The following FBXO15 variants were observed in gnomAD, a reference collection of about 807,000 sequenced individuals.
FBXO15 encodes the protein F-box protein 15.
Under a neutral mutation model 49.5 loss-of-function variants are expected in FBXO15, and 30 were observed. The observed-to-expected ratio is 0.61, with a 90% CI of 0.45 to 0.82. FBXO15 has a LOEUF of 0.82. Among genes scored for constraint, FBXO15 ranks in the 40% least tolerant of loss-of-function variants. The pLI, the probability that FBXO15 is intolerant of heterozygous loss-of-function variation, is 0.00. For synonymous variants in FBXO15, 250 were observed against 232.7 expected (o/e 1.07, Z -0.68); for missense variants, 591 against 631.5 (o/e 0.94, Z 0.69).
rs1375509501 is a variant in FBXO15, at chr18:74,130,602, T to A, written c.389A>T (p.Lys130Ile). The A allele has an allele frequency of 6.2e-7, 1 of 1,614,104 alleles. No homozygotes were observed. Among genetic ancestry groups the A allele is most frequent in the Non-Finnish European group, 8.5e-7 (1 of 1,179,978 alleles). ...TAFSPARSNW[K>I]FNSVEKIAMS... ...AGCTATCTTCTCTACTGAATTAAATTTCCAATTTGATCTTGCAGGTGAAAA... is the reference window on the plus strand; with the variant it reads ...AGCTATCTTCTCTACTGAATTAAATATCCAATTTGATCTTGCAGGTGAAAA... Residue 130 changes from lysine to isoleucine, a missense_variant, in exon 4 of 10, where the codon AAA becomes ATA. Physicochemically the swap from Lys to Ile is moderately radical, Grantham distance 102 (BLOSUM62 -3). Transcript: ENST00000419743.
chr18:74,094,039 T>G (rs1458077389), intron 8 of FBXO15, among the ~76,000 whole-genome samples: 2 of 152,232 alleles, frequency 1.3e-5, no homozygotes, highest in Admixed American at 1.3e-4. Flanking sequence ...ACAGAATGGA[T>G]GTTGCGTTAG....
At position 74,073,729 on chromosome 18, in the gene FBXO15, C is replaced by A. The variant is rs376147087; in HGVS notation, c.1265G>T (p.Ser422Ile). 35 of 1,608,160 alleles carry A rather than the reference C, an allele frequency of 2.2e-5. No individual in the cohort carries two copies. Among genetic ancestry groups the A allele is most frequent in the Admixed American group, 1.0e-4 (6 of 59,070 alleles). ...KTDIFDGCIK[S>I]CSMMDVTLLD... ...AAGAGTTACGTCCATCATGGAACAA[C>A]TCTGCAAAATAAACACAGATTGACA... The change falls in exon 10 of 10, where the codon AGT becomes ATT. Residue 422 changes from serine (S) to isoleucine (I), a missense_variant and splice_region_variant. Transcript: ENST00000419743.
chr18:74,147,632 T>A (rs1185357838), intron 1 of FBXO15, 38 bp downstream of exon 1: 28 of 1,371,284 alleles, frequency 2.0e-5, no homozygotes, highest in Non-Finnish European at 2.6e-5. Flanking sequence ...GTGACGGGCT[T>A]CCCGCCAGGG....
chr18:74,091,224 T>TTTCTC (rs967259326), intron 8 of FBXO15, among the ~76,000 whole-genome samples: 1 of 152,222 alleles, frequency 6.6e-6, no homozygotes, highest in African/African-American at 2.4e-5. Flanking sequence ...CCCTGCTTTT[T>TTTCTC]TTCTCTTTTC....
intron 7 of FBXO15, 102 bp downstream of exon 7, chr18:74,124,387 G>A: frequency 1.1e-6 from 1 of 948,914 alleles, no homozygotes; most frequent in Non-Finnish European, 1.6e-6. Flanking sequence ...ATTAAAAACA[G>A]AATATCTCTG....
intron 8 of FBXO15, chr18:74,098,886 A>T (rs1239223438): frequency 2.0e-5 from 3 of 152,460 alleles, no homozygotes; most frequent in African/African-American, 7.2e-5. Context: ...GCACTTTGGG[A>T]GGCCAAGGTG....
intron 1 of FBXO15, among the ~76,000 whole-genome samples, chr18:74,144,042 T>TA (rs1223398690): frequency 4.6e-5 from 7 of 152,224 alleles, no homozygotes; most frequent in Admixed American, 4.6e-4. Flanking sequence ...CAGCATTCAA[T>TA]AAATATCGCT....
chr18:74,146,783 A>T (rs3813121), intron 1 of FBXO15, among the ~76,000 whole-genome samples: 14 of 152,044 alleles, frequency 9.2e-5, no homozygotes, highest in African/African-American at 2.4e-5. Flanking sequence ...ATTCAGGGGG[A>T]AAAAACAAGT....
At chr18:74,123,134 C>G (rs747612653) in intron 8 of FBXO15, 1 of 425,810 alleles carries the variant, frequency 2.3e-6, no homozygotes, top group East Asian at 4.0e-5. Context: ...AGGGGCTACC[C>G]CCAGAAGGTG....
chr18:74,137,246 G>A (rs542834466), intron 2 of FBXO15, among the ~76,000 whole-genome samples: 1 of 152,310 alleles, frequency 6.6e-6, no homozygotes, highest in African/African-American at 2.4e-5. Flanking sequence ...CTTGCAATGA[G>A]AAAAAGTCTC....
At chr18:74,088,175 T>TA (rs1599138874) in intron 8 of FBXO15, among the ~76,000 whole-genome samples, 1 of 152,190 alleles carries the variant, frequency 6.6e-6, no homozygotes, top group African/African-American at 2.4e-5. Context: ...ACTTGGTTGA[T>TA]AGTTTCTTTT....
chr18:74,139,817 A>C (rs1456018027), intron 2 of FBXO15, among the ~76,000 whole-genome samples: 1 of 152,238 alleles, frequency 6.6e-6, no homozygotes, highest in Non-Finnish European at 1.5e-5. Flanking sequence ...GAATCTTGCC[A>C]TGGCAAATGG....
At chr18:74,130,738 TA>T (rs1978346722) in intron 3 of FBXO15, 80 bp from the exon 4 acceptor site, 1 of 1,410,956 alleles carries the variant, frequency 7.1e-7, no homozygotes, top group Non-Finnish European at 9.6e-7. Flanking sequence ...TAGAGATGCA[TA>T]TTTTCAAATA....
chr18:74,135,694 G>A (rs1027948874), intron 3 of FBXO15, 68 bp downstream of exon 3: 6 of 1,219,102 alleles, frequency 4.9e-6, no homozygotes, highest in Admixed American at 4.5e-5. Context: ...TGGTTAAAAA[G>A]TTACTAGTTT....
At chr18:74,087,312 T>C (rs1350326801) in intron 8 of FBXO15, among the ~76,000 whole-genome samples, 1 of 152,094 alleles carries the variant, frequency 6.6e-6, no homozygotes, top group Admixed American at 6.6e-5. Flanking sequence ...TTGCAGGGGT[T>C]TGTAGAGATT....
intron 9 of FBXO15, 46 bp downstream of exon 9, chr18:74,081,881 A>G (rs1912512503): frequency 2.9e-6 from 4 of 1,365,608 alleles, no homozygotes; most frequent in Non-Finnish European, 4.0e-6. Flanking sequence ...TTTTTATTAT[A>G]TAGAAATCAA....
At chr18:74,111,080 C>T (rs974555680) in intron 8 of FBXO15, among the ~76,000 whole-genome samples, 1 of 151,866 alleles carries the variant, frequency 6.6e-6, no homozygotes, top group Non-Finnish European at 1.5e-5. Flanking sequence ...TATTTACAGA[C>T]TACATCATAC....
Position 74,126,060 on chromosome 18 carries a change from T to A in FBXO15, c.827A>T (p.His276Leu), listed in dbSNP as rs149660679. The A allele has an allele frequency of 1.9e-6, 3 of 1,613,942 alleles. No homozygotes were observed. The African/African-American group carries it at 4.0e-5, about 22-fold the overall frequency. Reference sequence around the variant, plus strand: ...GCCAATCATGGTAGATATGGTCAAATGACTCAGATTGTACTTTGCAATTAA... The same window carrying A: ...GCCAATCATGGTAGATATGGTCAAAAGACTCAGATTGTACTTTGCAATTAA... ...HSLIAKYNLS[H>L]LTISTMIGCD... Residue 276 changes from histidine to leucine, a missense_variant, in exon 6 of 10, where the codon CAT becomes CTT. Transcript: ENST00000419743.
chr18:74,109,796 A>C (rs985671495), intron 8 of FBXO15, among the ~76,000 whole-genome samples: 2 of 150,204 alleles, frequency 1.3e-5, no homozygotes, highest in African/African-American at 4.9e-5. Context: ...ACATGGACAC[A>C]GGGCAGGGAA....
Sources: allele counts gnomAD v4.1 joint callset (sites outside exome capture counted in the v4.1 genomes callset), GRCh38; gene constraint gnomAD v4.1.1; transcripts MANE v1.5; gene names NCBI Gene and HGNC (gene_info 2026-07-23, HGNC 2026-07-21).